The following ASIC2 variants were observed in gnomAD, a reference collection of about 807,000 sequenced individuals.
ASIC2 encodes the protein acid sensing ion channel subunit 2.
Under a neutral mutation model 57.3 loss-of-function variants are expected in ASIC2, and 25 were observed. The ratio of observed to expected loss-of-function variants is 0.44; its 90% CI spans 0.32 to 0.61. The LOEUF (loss-of-function observed/expected upper bound fraction) is 0.61. ASIC2 is among the 20% of genes least tolerant of loss of function. The probability of loss-of-function intolerance (pLI) is 0.06; values close to 1 mark genes in which losing one functional copy is unlikely to be tolerated. For synonymous variants in ASIC2, 319 were observed against 307.5 expected (o/e 1.04, Z -0.39); for missense variants, 641 against 738.1 (o/e 0.87, Z 1.52).
intron 1 of ASIC2, among the ~76,000 whole-genome samples, chr17:33,301,042 A>G (rs1194786689): frequency 4.8e-5 from 1 of 20,944 alleles, no homozygotes; most frequent in Non-Finnish European, 9.0e-5. Flanking sequence ...TTATTTTAGA[A>G]AAAAAAAATG....
chr17:33,324,656 C>T (rs1242079319), intron 1 of ASIC2, among the ~76,000 whole-genome samples: 2 of 152,130 alleles, frequency 1.3e-5, no homozygotes, highest in African/African-American at 2.4e-5. Flanking sequence ...CTCAGCATTT[C>T]CTGTCATCCC....
intron 1 of ASIC2, among the ~76,000 whole-genome samples, chr17:33,653,920 G>T (rs1365973507): frequency 1.3e-5 from 2 of 152,156 alleles, no homozygotes; most frequent in African/African-American, 4.8e-5. Flanking sequence ...AATCTCATTT[G>T]TTCCTTTAAA....
chr17:33,335,681 T>C (rs569956163), intron 1 of ASIC2, among the ~76,000 whole-genome samples: 111 of 152,318 alleles, frequency 7.3e-4, no homozygotes, highest in Non-Finnish European at 9.1e-4. Flanking sequence ...ACCAAGTGGA[T>C]GGCAGAAGCA....
intron 1 of ASIC2, among the ~76,000 whole-genome samples, chr17:33,987,641 C>T (rs1382930646): frequency 2.6e-5 from 4 of 151,378 alleles, no homozygotes; most frequent in Admixed American, 1.3e-4. Flanking sequence ...AACCCATTAG[C>T]CAACCAACCA....
At chr17:33,570,441 C>T (rs1289512144) in intron 1 of ASIC2, among the ~76,000 whole-genome samples, 1 of 152,216 alleles carries the variant, frequency 6.6e-6, no homozygotes, top group Admixed American at 6.5e-5. Context: ...AGGAAGGGTG[C>T]ATGTTAGGCT....
chr17:33,654,030 T>C (rs543705025), intron 1 of ASIC2, among the ~76,000 whole-genome samples: 1 of 152,174 alleles, frequency 6.6e-6, no homozygotes, highest in South Asian at 2.1e-4. Flanking sequence ...TCAAAATCCA[T>C]GGATGCAGTT....
Position 33,412,780 on chromosome 17 carries a change from A to T in ASIC2, c.556-300713T>A, listed in dbSNP as rs917525287. Reference sequence around the variant, plus strand: ...GTGGGAGAGACGTTGGTGCCCTATGATAGGTCCAAGGCCAGAGAGATAAAA... The same window carrying T: ...GTGGGAGAGACGTTGGTGCCCTATGTTAGGTCCAAGGCCAGAGAGATAAAA... On this transcript the variant is annotated intron_variant, in intron 1 of 9. Coordinates refer to the ASIC2 transcript ENST00000359872. Among the ~76,000 whole-genome samples the T allele has an allele frequency of 2.6e-5, 4 of 152,276 alleles. No individual in the cohort carries two copies. The South Asian group carries it at 8.3e-4, about 32-fold the overall frequency.
At chr17:33,605,178 G>A (rs565728801) in intron 1 of ASIC2, among the ~76,000 whole-genome samples, 66 of 152,290 alleles carry the variant, frequency 4.3e-4, no homozygotes, top group African/African-American at 1.4e-3. Context: ...ATAATCTTAC[G>A]TTGGGCAAGT....
In ASIC2 at chr17:33,014,031, G is replaced by T. The variant is rs145075394; in HGVS notation, c.1626C>A (p.Thr542=). ...TCDTMPNHSE[T]ISHTVNVPLQ... is the part of the protein sequence containing the mutation. ...GGGGCACGTTCACAGTGTGACTGAT[G>T]GTTTCAGAGTGGTTTGGCATTGTGT... Residue 542 remains threonine, a synonymous_variant, in exon 10 of 10, where the codon ACC becomes ACA. Transcript: ENST00000225823. The T allele has an allele frequency of 1.1e-4, 170 of 1,605,094 alleles. No homozygotes were observed. The African/African-American group carries it at 1.7e-3, about 16-fold the overall frequency.
At chr17:33,815,794 G>A (rs187426321) in intron 1 of ASIC2, among the ~76,000 whole-genome samples, 1 of 152,142 alleles carries the variant, frequency 6.6e-6, no homozygotes, top group Non-Finnish European at 1.5e-5. Flanking sequence ...TTCCTAGAAT[G>A]CATCTACTCC....
intron 1 of ASIC2, among the ~76,000 whole-genome samples, chr17:33,280,633 C>A (rs533128186): frequency 6.6e-6 from 1 of 152,314 alleles, no homozygotes; most frequent in South Asian, 2.1e-4. Flanking sequence ...AGGTCATAAG[C>A]ATTTATCCAA....
chr17:33,167,299 T>C (rs1905341673), intron 1 of ASIC2, among the ~76,000 whole-genome samples: 1 of 152,168 alleles, frequency 6.6e-6, no homozygotes, highest in South Asian at 2.1e-4. Context: ...CCAAAGCCCC[T>C]GAGGCAGTTG....
chr17:34,087,227 C>A (rs903912633), intron 1 of ASIC2, among the ~76,000 whole-genome samples: 3 of 152,142 alleles, frequency 2.0e-5, no homozygotes, highest in African/African-American at 7.2e-5. Flanking sequence ...TCTTTTAGGG[C>A]AGTCCTGGTG....
At chr17:33,870,482 T>C (rs1914375517) in intron 1 of ASIC2, among the ~76,000 whole-genome samples, 1 of 151,936 alleles carries the variant, frequency 6.6e-6, no homozygotes, top group African/African-American at 2.4e-5. Flanking sequence ...ATTTAGAGGG[T>C]AGGACAAAAG....
intron 1 of ASIC2, among the ~76,000 whole-genome samples, chr17:33,926,104 C>T (rs893531926): frequency 6.6e-5 from 10 of 152,206 alleles, no homozygotes; most frequent in African/African-American, 9.6e-5. Context: ...TTCTTGAACT[C>T]GGTTAGGTGG....
At chr17:33,161,752 C>T (rs1424147921) in intron 1 of ASIC2, among the ~76,000 whole-genome samples, 1 of 151,974 alleles carries the variant, frequency 6.6e-6, no homozygotes, top group Non-Finnish European at 1.5e-5. Flanking sequence ...TTATGCAAAC[C>T]TCACTAGGAT....
chr17:33,353,618 G>A (rs1908265417), intron 1 of ASIC2, among the ~76,000 whole-genome samples: 1 of 152,118 alleles, frequency 6.6e-6, no homozygotes, highest in African/African-American at 2.4e-5. Context: ...AATTACAAGC[G>A]TGAGCCACCA....
At chr17:33,167,671 C>G (rs1905352987) in intron 1 of ASIC2, among the ~76,000 whole-genome samples, 1 of 152,226 alleles carries the variant, frequency 6.6e-6, no homozygotes, top group Non-Finnish European at 1.5e-5. Context: ...CATTCAAGGT[C>G]TTAACCCAAT....
At position 33,364,933 on chromosome 17, in the gene ASIC2, T is replaced by A. The variant is rs185764245; in HGVS notation, c.556-252866A>T. On this transcript the variant is annotated intron_variant, in intron 1 of 9. Coordinates refer to the ASIC2 transcript ENST00000359872. ...CCAACTCCGCAGTCAAGTATCTAGGTTGATCATCCTGAAACCCACATCTGG... is the reference window on the plus strand; with the variant it reads ...CCAACTCCGCAGTCAAGTATCTAGGATGATCATCCTGAAACCCACATCTGG... Among the ~76,000 whole-genome samples, 547 of 152,246 alleles carry A rather than the reference T, an allele frequency of 3.6e-3. 2 individuals are homozygous for A. The highest frequency in any genetic ancestry group is 5.6e-3 in the South Asian group (27 of 4,812).
Sources: allele counts gnomAD v4.1 joint callset (sites outside exome capture counted in the v4.1 genomes callset), GRCh38; gene constraint gnomAD v4.1.1; transcripts MANE v1.5; gene names NCBI Gene and HGNC (gene_info 2026-07-23, HGNC 2026-07-21).